The following IQGAP2 variants were observed in gnomAD, a reference collection of about 807,000 sequenced individuals.
IQGAP2 encodes the protein IQ motif containing GTPase activating protein 2.
IQGAP2 carries 173 observed loss-of-function variants against 201.3 expected under a neutral mutation model. The observed-to-expected ratio is 0.86, with a 90% CI of 0.76 to 0.98. The LOEUF (loss-of-function observed/expected upper bound fraction) is 0.98, where lower values mean the gene tolerates loss of function less well. Among genes scored for constraint, IQGAP2 ranks in the 50% least tolerant of loss-of-function variants. The pLI is 0.00. For missense variants in IQGAP2, 1,687 were observed against 1,864.8 expected (o/e 0.90, Z 1.76); for synonymous variants, 675 against 673.9 (o/e 1.00, Z -0.03).
intron 2 of IQGAP2, among the ~76,000 whole-genome samples, chr5:76,468,840 C>G (rs1460811431): frequency 6.6e-6 from 1 of 152,226 alleles, no homozygotes; most frequent in Non-Finnish European, 1.5e-5. Context: ...TCTAGTCAGA[C>G]TTACTTCCTC....
intron 21 of IQGAP2, among the ~76,000 whole-genome samples, chr5:76,663,477 G>GAA (rs10651698): frequency 0.45 from 68,393 of 151,718 alleles, 16,488 homozygotes; most frequent in Non-Finnish European, 0.55. Flanking sequence ...TTTCAAATAT[G>GAA]AGTCGCATGC....
At chr5:76,671,273 A>G (rs566405984) in intron 23 of IQGAP2, among the ~76,000 whole-genome samples, 120 of 149,112 alleles carry the variant, frequency 8.0e-4, no homozygotes, top group African/African-American at 2.8e-3. Flanking sequence ...AAAGAAAAAA[A>G]GAAATATACA....
rs780584465 is a variant in IQGAP2, at chr5:76,702,622, TAAATTTTATATGTGGATC to T, written c.4614+34_4614+51del. Reference sequence around the variant, plus strand: ...TGCTGGAATTTCTGCACATTGATGATAAATTTTATATGTGGATCATACATTGCTACCCTGGCTCTCTCT... The same window carrying T: ...TGCTGGAATTTCTGCACATTGATGATATACATTGCTACCCTGGCTCTCTCT... On this transcript the variant is annotated intron_variant, in intron 35 of 35. Transcript: ENST00000274364. 9.3e-5 allele frequency: 91 copies of T among 979,070 alleles called. No individual in the cohort carries two copies. The African/African-American group carries it at 1.2e-3, about 13-fold the overall frequency. The allele number at this position is 979,070 out of a possible 1,614,324, so 60.6% of individuals were successfully genotyped here. A position where few individuals can be genotyped will look rare whatever the true frequency, so the allele number is the denominator to read the frequency against.
chr5:76,534,387 G>A (rs991182319), intron 2 of IQGAP2, among the ~76,000 whole-genome samples: 3 of 152,152 alleles, frequency 2.0e-5, no homozygotes, highest in Non-Finnish European at 2.9e-5. Context: ...TCCTTTGACC[G>A]GTTTTACTAT....
At chr5:76,585,499 A>ATTTATTTT (rs1226354865) in intron 5 of IQGAP2, among the ~76,000 whole-genome samples, 8 of 150,668 alleles carry the variant, frequency 5.3e-5, no homozygotes, top group Admixed American at 4.0e-4. Flanking sequence ...ATCTATTCTC[A>ATTTATTTT]TTTCTTTTTT....
At chr5:76,554,039 G>A (rs1743741395) in intron 2 of IQGAP2, among the ~76,000 whole-genome samples, 1 of 152,140 alleles carries the variant, frequency 6.6e-6, no homozygotes, top group South Asian at 2.1e-4. Context: ...AGAATTTAGA[G>A]TTCAGAAATG....
At chr5:76,692,142 T>TTCTA (rs1034066263) in intron 30 of IQGAP2, among the ~76,000 whole-genome samples, 1 of 152,196 alleles carries the variant, frequency 6.6e-6, no homozygotes, top group Non-Finnish European at 1.5e-5. Context: ...TTTTCTTTCT[T>TTCTA]TCTATCTATC....
chr5:76,551,724 C>G (rs545166806), intron 2 of IQGAP2, among the ~76,000 whole-genome samples: 2 of 152,012 alleles, frequency 1.3e-5, no homozygotes, highest in African/African-American at 4.8e-5. Flanking sequence ...CGTGGCTGCG[C>G]GTGCCTGCAA....
At chr5:76,436,924 C>T (rs1561370732) in intron 1 of IQGAP2, among the ~76,000 whole-genome samples, 4 of 151,728 alleles carry the variant, frequency 2.6e-5, no homozygotes, top group African/African-American at 9.7e-5. Context: ...TACATACATA[C>T]AAATGTATAC....
intron 2 of IQGAP2, among the ~76,000 whole-genome samples, chr5:76,508,985 T>A (rs1361788456): frequency 1.3e-5 from 2 of 152,076 alleles, no homozygotes; most frequent in African/African-American, 4.8e-5. Flanking sequence ...GATGACAGTG[T>A]GCTCTGGGGG....
chr5:76,690,827 T>C (rs1409180871), intron 30 of IQGAP2, among the ~76,000 whole-genome samples: 1 of 152,246 alleles, frequency 6.6e-6, no homozygotes, highest in Non-Finnish European at 1.5e-5. Context: ...CAGTTTGTAC[T>C]AGCCATGTCT....
chr5:76,414,865 GC>G (rs1751327469), intron 1 of IQGAP2, among the ~76,000 whole-genome samples: 1 of 152,182 alleles, frequency 6.6e-6, no homozygotes, highest in South Asian at 2.1e-4. Flanking sequence ...ACTGGACTCT[GC>G]CTGTAACTTT....
intron 22 of IQGAP2, among the ~76,000 whole-genome samples, 177 bp downstream of exon 22, chr5:76,665,352 C>A (rs11957940): frequency 0.016 from 2,495 of 152,154 alleles, 58 homozygotes; most frequent in African/African-American, 0.057. Flanking sequence ...TAATTCTTAC[C>A]ATAACCCTGG....
intron 1 of IQGAP2, among the ~76,000 whole-genome samples, chr5:76,453,160 C>T (rs1311293230): frequency 3.9e-5 from 6 of 152,068 alleles, no homozygotes; most frequent in Non-Finnish European, 4.4e-5. Context: ...ATGATCCACC[C>T]GCCTCGGCCT....
At chr5:76,553,234 A>G (rs907586780) in intron 2 of IQGAP2, among the ~76,000 whole-genome samples, 2 of 152,248 alleles carry the variant, frequency 1.3e-5, no homozygotes, top group Non-Finnish European at 2.9e-5. Flanking sequence ...GAAAATGACC[A>G]ACTATGCTAT....
At chr5:76,681,530 T>C (rs1000310043) in intron 28 of IQGAP2, among the ~76,000 whole-genome samples, 3 of 140,710 alleles carry the variant, frequency 2.1e-5, no homozygotes, top group South Asian at 2.2e-4. Flanking sequence ...AATATCAAAA[T>C]TTAAAAAAAA....
chr5:76,683,180 G>A lies in IQGAP2; in HGVS notation c.3726G>A (p.Gly1242=). The change falls in exon 29 of 36, where the codon GGG becomes GGA. Residue 1242 remains glycine (G), a synonymous_variant. Coordinates refer to ENST00000274364, the MANE Select transcript of IQGAP2 (RefSeq NM_006633.5). The stretch of plus-strand genomic sequence containing the variant: ...ATGACTTACTGAGTGAATTGCTGGG[G>A]TCGCTGGGAGAGGTGCCAACCGTGG... The part of the protein sequence containing the change: ...EKNDLLSELL[G]SLGEVPTVES... 6.2e-7 allele frequency: 1 copy of A among 1,612,320 alleles called. No homozygotes were observed.
At chr5:76,674,752 A>G (rs768608376) in intron 27 of IQGAP2, 43 bp downstream of exon 27, 2 of 1,380,568 alleles carry the variant, frequency 1.4e-6, no homozygotes. Context: ...CAAGAATGGT[A>G]GGCAAGAATA....
intron 34 of IQGAP2, 87 bp downstream of exon 34, chr5:76,701,300 C>A: frequency 1.6e-6 from 2 of 1,267,142 alleles, no homozygotes; most frequent in African/African-American, 1.5e-5. Context: ...TCTAGCAAGG[C>A]TTAACCTCAA....
Sources: allele counts gnomAD v4.1 joint callset (sites outside exome capture counted in the v4.1 genomes callset), GRCh38; gene constraint gnomAD v4.1.1; transcripts MANE v1.5; gene names NCBI Gene and HGNC (gene_info 2026-07-23, HGNC 2026-07-21).